The following MAGI2 variants were observed in gnomAD, a reference collection of about 807,000 sequenced individuals.
MAGI2 encodes membrane associated guanylate kinase, WW and PDZ domain containing 2.
Under a neutral mutation model 133.3 loss-of-function variants are expected in MAGI2, and 35 were observed. The ratio of observed to expected loss-of-function variants is 0.26; its 90% CI spans 0.20 to 0.35. MAGI2 has a LOEUF of 0.35. Among genes scored for constraint, MAGI2 ranks in the 10% least tolerant of loss-of-function variants. MAGI2 has a pLI of 1.00. For missense variants in MAGI2, 1,636 were observed against 1,863.4 expected (o/e 0.88, Z 2.25); for synonymous variants, 729 against 710.6 (o/e 1.03, Z -0.41).
At chr7:78,738,507 T>A (rs565018772) in intron 2 of MAGI2, among the ~76,000 whole-genome samples, 24 of 152,298 alleles carry the variant, frequency 1.6e-4, no homozygotes, top group South Asian at 1.0e-3. Context: ...GATATCTTTC[T>A]GCTTAGTTTG....
chr7:78,224,764 G>T (rs1000365293), intron 10 of MAGI2, among the ~76,000 whole-genome samples: 2 of 126,418 alleles, frequency 1.6e-5, no homozygotes, highest in Non-Finnish European at 3.8e-5. Flanking sequence ...GTAAATAACA[G>T]ACAGTTTTCC....
intron 10 of MAGI2, among the ~76,000 whole-genome samples, chr7:78,249,146 A>T (rs935918504): frequency 6.6e-6 from 1 of 152,172 alleles, no homozygotes; most frequent in Non-Finnish European, 1.5e-5. Flanking sequence ...GGAAATACAA[A>T]TCAAAACCAC....
At chr7:78,532,744 C>A (rs1479496378) in intron 3 of MAGI2, among the ~76,000 whole-genome samples, 2 of 152,130 alleles carry the variant, frequency 1.3e-5, no homozygotes, top group African/African-American at 4.8e-5. Flanking sequence ...AAACAACAAA[C>A]AAACCAAAAA....
At chr7:78,067,341 G>A (rs886858924) in intron 21 of MAGI2, among the ~76,000 whole-genome samples, 2 of 152,178 alleles carry the variant, frequency 1.3e-5, no homozygotes, top group Non-Finnish European at 2.9e-5. Flanking sequence ...CCAGAGCATG[G>A]TGGAAATAAA....
intron 3 of MAGI2, among the ~76,000 whole-genome samples, chr7:78,562,753 G>A (rs1376153958): frequency 6.6e-6 from 1 of 152,166 alleles, no homozygotes; most frequent in Non-Finnish European, 1.5e-5. Context: ...ATGTGTGCTA[G>A]GCAGAGAAAG....
At chr7:78,859,018 T>C (rs1584180926) in intron 2 of MAGI2, among the ~76,000 whole-genome samples, 1 of 152,324 alleles carries the variant, frequency 6.6e-6, no homozygotes, top group East Asian at 1.9e-4. Flanking sequence ...TTTTGATCTT[T>C]GCGGGTTTAG....
intron 2 of MAGI2, among the ~76,000 whole-genome samples, chr7:78,994,952 G>A (rs1015981343): frequency 9.9e-5 from 15 of 151,912 alleles, no homozygotes; most frequent in African/African-American, 7.3e-5. Context: ...ATTTTATATC[G>A]TTAGAATTTT....
At chr7:79,156,644 A>G (rs951516763) in intron 1 of MAGI2, among the ~76,000 whole-genome samples, 4 of 152,090 alleles carry the variant, frequency 2.6e-5, no homozygotes, top group African/African-American at 4.8e-5. Context: ...CCAAATATGT[A>G]TCTCTCAAAC....
At chr7:78,178,630 A>G (rs752217836) in intron 13 of MAGI2, among the ~76,000 whole-genome samples, 16 of 151,948 alleles carry the variant, frequency 1.1e-4, no homozygotes, top group Non-Finnish European at 1.9e-4. Context: ...CGTATGCCCA[A>G]TAGAAGTTGT....
At chr7:79,096,527 C>A (rs1163176968) in intron 1 of MAGI2, among the ~76,000 whole-genome samples, 2 of 152,132 alleles carry the variant, frequency 1.3e-5, no homozygotes, top group African/African-American at 4.8e-5. Context: ...CTAAATTACT[C>A]CTTTGGGTGC....
At chr7:79,168,218 G>C (rs995110399) in intron 1 of MAGI2, among the ~76,000 whole-genome samples, 1 of 152,022 alleles carries the variant, frequency 6.6e-6, no homozygotes, top group Non-Finnish European at 1.5e-5. Context: ...TTCTGTGTGT[G>C]TGTCTTTAAT....
chr7:79,212,627 G>C (rs534314936), intron 1 of MAGI2, among the ~76,000 whole-genome samples: 3 of 152,004 alleles, frequency 2.0e-5, no homozygotes, highest in Non-Finnish European at 4.4e-5. Flanking sequence ...GGGATTCTTC[G>C]TGTCTCTTCT....
At chr7:78,438,273 C>CAA (rs5885062) in intron 6 of MAGI2, among the ~76,000 whole-genome samples, 6,784 of 148,234 alleles carry the variant, frequency 0.046, 332 homozygotes, top group African/African-American at 0.12. Context: ...GTCATAAGTA[C>CAA]AAAAAAAAAA....
intron 10 of MAGI2, among the ~76,000 whole-genome samples, chr7:78,247,372 G>A (rs1326972581): frequency 6.6e-6 from 1 of 152,080 alleles, no homozygotes; most frequent in Non-Finnish European, 1.5e-5. Context: ...TTTTCAGCCG[G>A]CATACTAAGA....
At chr7:78,187,967 A>G (rs1171075073) in intron 12 of MAGI2, among the ~76,000 whole-genome samples, 3 of 152,290 alleles carry the variant, frequency 2.0e-5, no homozygotes, top group African/African-American at 7.2e-5. Flanking sequence ...TCAAGAGCTG[A>G]TTTTTAGAGT....
chr7:78,028,848 CAA>C (rs56201811), intron 21 of MAGI2, among the ~76,000 whole-genome samples: 17,874 of 83,828 alleles, frequency 0.21, 1,475 homozygotes, highest in East Asian at 0.5. Flanking sequence ...GACTCCATCT[CAA>C]AAAAAAAAAA....
At chr7:78,084,744 T>C (rs1360117270) in intron 20 of MAGI2, among the ~76,000 whole-genome samples, 1 of 152,240 alleles carries the variant, frequency 6.6e-6, no homozygotes, top group African/African-American at 2.4e-5. Context: ...TTAGGGTCTT[T>C]GCTGCTGCAG....
At chr7:78,297,485 A>G (rs1797379010) in intron 9 of MAGI2, among the ~76,000 whole-genome samples, 2 of 151,546 alleles carry the variant, frequency 1.3e-5, no homozygotes, top group Admixed American at 1.3e-4. Context: ...CTGGGTATAT[A>G]CCCAAAGGAC....
intron 9 of MAGI2, among the ~76,000 whole-genome samples, chr7:78,328,868 A>G (rs1329907037): frequency 6.6e-6 from 1 of 152,188 alleles, no homozygotes; most frequent in Non-Finnish European, 1.5e-5. Context: ...GAGTGAAAAT[A>G]TTAGGACGTA....
Sources: gnomAD v4.1 joint callset for allele counts (sites outside exome capture counted in the v4.1 genomes callset) on GRCh38, gnomAD v4.1.1 for gene constraint, MANE v1.5 for transcripts, NCBI Gene and HGNC (gene_info 2026-07-23, HGNC 2026-07-21) for gene names.